NEK4: variants seen among roughly 807,000 people sequenced by gnomAD.
NEK4 encodes NIMA related kinase 4, also known as serine/threonine-protein kinase Nek4.
Under a neutral mutation model 98.4 loss-of-function variants are expected in NEK4, and 86 were observed. That is an observed-to-expected ratio of 0.87 (90% CI 0.73 to 1.05). The LOEUF is 1.05. Ranked by LOEUF, NEK4 falls within the 50% of genes least tolerant of loss-of-function variation. The pLI is 0.00. For synonymous variants in NEK4, 328 were observed against 342.2 expected, an observed-to-expected ratio of 0.96 and a Z score of 0.46; for missense variants, 898 against 950.3, an observed-to-expected ratio of 0.94 and a Z score of 0.72.
Position 52,737,670 on chromosome 3 carries a change from T to C in NEK4, c.2349A>G (p.Arg783=). Reference sequence around the variant, plus strand: ...CTCCCAGGCCACGAATTACATCAGTTCTCAAGACTTCAACTAGTCTCCTGA... The same window carrying C: ...CTCCCAGGCCACGAATTACATCAGTCCTCAAGACTTCAACTAGTCTCCTGA... ...EKIRRLVEVL[R]TDVIRGLGVQ... is the part of the protein sequence containing the mutation. The change falls in exon 15 of 16, where the codon AGA becomes AGG. Residue 783 remains arginine (R), a synonymous_variant. Coordinates refer to ENST00000233027, the MANE Select transcript of NEK4 (RefSeq NM_003157.6). 2.5e-6 allele frequency: 4 copies of C among 1,613,950 alleles called. No individual in the cohort carries two copies. The highest frequency in any genetic ancestry group is 3.4e-6 in the Non-Finnish European group (4 of 1,179,846).
intron 10 of NEK4, 85 bp downstream of exon 10, chr3:52,745,976 G>T: frequency 8.1e-7 from 1 of 1,237,708 alleles, no homozygotes; most frequent in Non-Finnish European, 1.2e-6. Flanking sequence ...TCTTGCTTCA[G>T]CCTCCCAAAG....
intron 11 of NEK4, among the ~76,000 whole-genome samples, chr3:52,743,749 T>C (rs975726646): frequency 2.6e-5 from 4 of 152,156 alleles, no homozygotes; most frequent in Non-Finnish European, 5.9e-5. Context: ...TGAAATGAGA[T>C]AATACCCTTA....
intron 15 of NEK4, chr3:52,733,436 G>T: frequency 2.6e-6 from 1 of 389,590 alleles, no homozygotes; most frequent in South Asian, 2.2e-5. Flanking sequence ...CCATTCTGGA[G>T]AAAAACCTTA....
chr3:52,731,373 G>A (rs912995307), intron 15 of NEK4, among the ~76,000 whole-genome samples: 2 of 152,182 alleles, frequency 1.3e-5, no homozygotes, highest in Non-Finnish European at 2.9e-5. Flanking sequence ...ACAATCTTGA[G>A]AAAGAATAAT....
At chr3:52,748,697 G>C (rs2097400330) in intron 8 of NEK4, among the ~76,000 whole-genome samples, 1 of 152,134 alleles carries the variant, frequency 6.6e-6, no homozygotes, top group Admixed American at 6.6e-5. Flanking sequence ...TTTAAAAATG[G>C]ATCTAATACC....
intron 15 of NEK4, among the ~76,000 whole-genome samples, chr3:52,725,242 C>T (rs983126935): frequency 2.6e-4 from 40 of 152,118 alleles, no homozygotes; most frequent in African/African-American, 2.4e-4. Flanking sequence ...CCGGGCGCTG[C>T]GGCTCACGCC....
At chr3:52,715,441 C>T (rs2097354279) in intron 15 of NEK4, among the ~76,000 whole-genome samples, 1 of 152,234 alleles carries the variant, frequency 6.6e-6, no homozygotes, top group Admixed American at 6.5e-5. Flanking sequence ...GGCTGGAGTG[C>T]AGTGGCACGA....
At chr3:52,720,446 A>G (rs2154102167) in intron 15 of NEK4, among the ~76,000 whole-genome samples, 1 of 152,364 alleles carries the variant, frequency 6.6e-6, no homozygotes, top group South Asian at 2.1e-4. Context: ...CAAGTAGGAT[A>G]AACTCAAAGA....
intron 15 of NEK4, among the ~76,000 whole-genome samples, chr3:52,735,986 G>A (rs1216314547): frequency 2.6e-5 from 4 of 152,194 alleles, no homozygotes; most frequent in Non-Finnish European, 4.4e-5. Context: ...AACAAGGATG[G>A]TTGCTGATGT....
intron 15 of NEK4, among the ~76,000 whole-genome samples, chr3:52,726,798 C>T (rs931174290): frequency 6.6e-6 from 1 of 151,064 alleles, no homozygotes; most frequent in Non-Finnish European, 1.5e-5. Context: ...CCCAGCTACT[C>T]GAAGGCTGAG....
intron 15 of NEK4, among the ~76,000 whole-genome samples, chr3:52,723,476 A>C (rs2097361875): frequency 6.6e-6 from 1 of 152,108 alleles, no homozygotes; most frequent in African/African-American, 2.4e-5. Context: ...TCCTGACCTT[A>C]AGTCATCTGC....
At chr3:52,744,014 T>C (rs1456204786) in intron 11 of NEK4, among the ~76,000 whole-genome samples, 1 of 152,204 alleles carries the variant, frequency 6.6e-6, no homozygotes, top group East Asian at 1.9e-4. Flanking sequence ...GCCCTCTTGT[T>C]ATTTCTTTAA....
In NEK4 at chr3:52,719,373, T is replaced by C. The variant is rs554385344; in HGVS notation, c.2434-7504A>G. On this transcript the variant is annotated intron_variant, in intron 15 of 15. Coordinates refer to ENST00000233027, the MANE Select transcript of NEK4 (RefSeq NM_003157.6). ...CAGAAAAAAATCTCAGATACTGACA[T>C]TGGAGTACAAGACCAGCCTGACCAA... 5.9e-5 allele frequency among the ~76,000 whole-genome samples: 9 copies of C among 152,054 alleles called. No individual in the cohort carries two copies. In the South Asian group the frequency reaches 1.2e-3, roughly 21 times the overall value.
intron 15 of NEK4, among the ~76,000 whole-genome samples, chr3:52,721,008 C>A (rs915133951): frequency 1.3e-5 from 2 of 152,204 alleles, no homozygotes; most frequent in Non-Finnish European, 1.5e-5. Context: ...ATTGTACTGA[C>A]AGAATCTCTT....
rs2097347994 is a variant in NEK4, at chr3:52,709,325, T to C, written c.*2452A>G. On this transcript the variant is annotated 3_prime_UTR_variant, in exon 16 of 16. Transcript: ENST00000233027. ...GAGTTTTTAAATTAATTTAGGAAGATGAATTAAGCACTCAAGTAAAAACGA... is the reference window on the plus strand; with the variant it reads ...GAGTTTTTAAATTAATTTAGGAAGACGAATTAAGCACTCAAGTAAAAACGA... 6.6e-6 allele frequency: 1 copy of C among 151,980 alleles called. No homozygotes were observed. Among genetic ancestry groups the C allele is most frequent in the African/African-American group, 2.4e-5 (1 of 41,350 alleles). The allele number at this position is 151,980 out of a possible 1,614,324, so 9.4% of individuals were successfully genotyped here. A position where few individuals can be genotyped will look rare whatever the true frequency, so the allele number is the denominator to read the frequency against.
Position 52,752,900 on chromosome 3 carries a change from C to CAAAAAAAAA in NEK4, c.964-573_964-565dup, listed in dbSNP as rs71087016. Among the ~76,000 whole-genome samples the CAAAAAAAAA allele has an allele frequency of 9.0e-4, 45 of 49,876 alleles. 3 individuals are homozygous for CAAAAAAAAA. Among genetic ancestry groups the CAAAAAAAAA allele is most frequent in the South Asian group, 2.6e-3 (5 of 1,928 alleles). 32.7% of individuals were successfully genotyped at this position (49,876 alleles called of 152,430 possible). ...GGGCAACAGGAGTGAAACCCTGCCT[C>CAAAAAAAAA]AAAAAAAAAAAAAAAAAATATATAT... On this transcript the variant is annotated intron_variant, in intron 6 of 15. Transcript: ENST00000233027.
rs1385386183 is a variant in NEK4 at position 52,758,208 on chromosome 3, G to C, written c.963+2587C>G. Among the ~76,000 whole-genome samples the C allele has an allele frequency of 2.2e-5, 3 of 136,328 alleles. No homozygotes were observed. The East Asian group carries it at 6.4e-4, about 29-fold the overall frequency. 89.4% of individuals were successfully genotyped at this position (136,328 alleles called of 152,430 possible). On this transcript the variant is annotated intron_variant, in intron 6 of 15. Transcript: ENST00000233027. ...AAAAAAAAAAAAAAAAAAAAAGAAA[G>C]AAAGTAGAATGGTAGAACAGTGGTT...
intron 1 of NEK4, 50 bp from the exon 2 acceptor site, chr3:52,768,654 G>T: frequency 6.3e-7 from 1 of 1,582,334 alleles, no homozygotes. Context: ...CGTAAGATTT[G>T]TGGCCTCAGA....
chr3:52,737,447 T>C (rs2097378035), intron 15 of NEK4, 139 bp downstream of exon 15: 4 of 830,064 alleles, frequency 4.8e-6, no homozygotes. Flanking sequence ...GTAATGACTG[T>C]ACAATGTTGT....
Sources: allele counts gnomAD v4.1 joint callset (sites outside exome capture counted in the v4.1 genomes callset), GRCh38; gene constraint gnomAD v4.1.1; transcripts MANE v1.5; gene names NCBI Gene and HGNC (gene_info 2026-07-23, HGNC 2026-07-21).